The following IQSEC1 variants were observed in gnomAD, a reference collection of about 807,000 sequenced individuals.
IQSEC1 encodes IQ motif and SEC7 domain-containing protein 1.
IQSEC1 carries 31 observed loss-of-function variants against 91.0 expected under a neutral mutation model. The observed-to-expected ratio is 0.34, with a 90% CI of 0.26 to 0.46. IQSEC1 has a LOEUF of 0.46. Ranked by LOEUF, IQSEC1 falls within the 20% of genes least tolerant of loss-of-function variation. The pLI, the probability that IQSEC1 is intolerant of heterozygous loss-of-function variation, is 1.00. For synonymous variants in IQSEC1, 699 were observed against 662.6 expected (o/e 1.05, Z -0.84); for missense variants, 1,388 against 1,575.6 (o/e 0.88, Z 2.02).
At chr3:13,240,089 C>T (rs1032804940) in intron 1 of IQSEC1, among the ~76,000 whole-genome samples, 1 of 152,024 alleles carries the variant, frequency 6.6e-6, no homozygotes, top group East Asian at 1.9e-4. Flanking sequence ...AAAAAACAAA[C>T]CTTGGCCGGC....
chr3:13,117,892 A>G (rs1336684876), intron 2 of IQSEC1, among the ~76,000 whole-genome samples: 1 of 152,134 alleles, frequency 6.6e-6, no homozygotes, highest in Non-Finnish European at 1.5e-5. Flanking sequence ...CTCAAAAACT[A>G]ACAAACAACA....
At chr3:13,126,802 AT>A (rs1199042185) in intron 2 of IQSEC1, among the ~76,000 whole-genome samples, 3 of 152,172 alleles carry the variant, frequency 2.0e-5, no homozygotes, top group Admixed American at 2.0e-4. Flanking sequence ...CCTTAACAGT[AT>A]TTTGCAGGGC....
At chr3:13,078,507 G>C (rs1705598323) in intron 2 of IQSEC1, among the ~76,000 whole-genome samples, 1 of 152,012 alleles carries the variant, frequency 6.6e-6, no homozygotes, top group Non-Finnish European at 1.5e-5. Flanking sequence ...TAGCCTGGGG[G>C]GGAAGGCCAG....
chr3:13,059,280 T>TAA (rs2125083680), intron 1 of IQSEC1, among the ~76,000 whole-genome samples: 1 of 151,988 alleles, frequency 6.6e-6, no homozygotes, highest in East Asian at 1.9e-4. Context: ...CCCTAGGCAC[T>TAA]ATGGTCTACT....
chr3:13,188,278 C>T (rs978526299), intron 1 of IQSEC1, among the ~76,000 whole-genome samples: 2 of 152,156 alleles, frequency 1.3e-5, no homozygotes, highest in African/African-American at 2.4e-5. Flanking sequence ...TGCTCATGCC[C>T]ACCTCAAGGT....
chr3:13,272,570 C>G (rs1176900220), intron 1 of IQSEC1, among the ~76,000 whole-genome samples: 1 of 152,142 alleles, frequency 6.6e-6, no homozygotes, highest in East Asian at 1.9e-4. Flanking sequence ...GCAGGCCAAC[C>G]TAGGGGTGAG....
chr3:12,930,290 A>G (rs1169351945), intron 3 of IQSEC1, among the ~76,000 whole-genome samples: 1 of 152,236 alleles, frequency 6.6e-6, no homozygotes, highest in African/African-American at 2.4e-5. Flanking sequence ...CTGGGACCAC[A>G]GGCATGTGCC....
chr3:13,221,331 G>A (rs1459563458), intron 1 of IQSEC1, among the ~76,000 whole-genome samples: 1 of 152,242 alleles, frequency 6.6e-6, no homozygotes, highest in Non-Finnish European at 1.5e-5. Context: ...GTCTCAGCCA[G>A]AAGGGTGACA....
At chr3:12,942,470 G>A (rs1462657940) in intron 1 of IQSEC1, among the ~76,000 whole-genome samples, 1 of 152,108 alleles carries the variant, frequency 6.6e-6, no homozygotes, top group Non-Finnish European at 1.5e-5. Flanking sequence ...GGGCGTGGTG[G>A]TGGTCGCCTG....
chr3:12,969,258 A>G lies in IQSEC1; in HGVS notation c.24-27393T>C, dbSNP rs866381666. On this transcript the variant is annotated intron_variant, in intron 1 of 13. Coordinates refer to ENST00000613206, the MANE Select transcript of IQSEC1 (RefSeq NM_001134382.3). Reference sequence around the variant, plus strand: ...ATAAGGCAAATAACCCAATTTAAAAACAGGCAAGGTATCTGAGTAGATTTT... The same window carrying G: ...ATAAGGCAAATAACCCAATTTAAAAGCAGGCAAGGTATCTGAGTAGATTTT... Among the ~76,000 whole-genome samples, 15 of 151,340 alleles carry G rather than the reference A, an allele frequency of 9.9e-5. 1 individual carries two copies. Among genetic ancestry groups the G allele is most frequent in the Middle Eastern group, 6.8e-3 (2 of 292 alleles).
At chr3:13,227,722 C>T (rs951117404) in intron 1 of IQSEC1, among the ~76,000 whole-genome samples, 5 of 152,134 alleles carry the variant, frequency 3.3e-5, no homozygotes, top group Non-Finnish European at 7.4e-5. Flanking sequence ...GGGCAGATTC[C>T]GAAGGGGTCC....
chr3:12,901,670 TG>T, intron 13 of IQSEC1, 148 bp from the exon 14 acceptor site: 1 of 714,826 alleles, frequency 1.4e-6, no homozygotes, highest in Non-Finnish European at 2.3e-6. Context: ...TCAGTGAGGC[TG>T]GACTGGGCCC....
At chr3:12,988,541 C>T (rs1313749090) in intron 1 of IQSEC1, among the ~76,000 whole-genome samples, 1 of 152,220 alleles carries the variant, frequency 6.6e-6, no homozygotes, top group East Asian at 1.9e-4. Context: ...CAAATATCCA[C>T]AGCCTGTTTA....
At position 12,899,966 on chromosome 3, in the gene IQSEC1, A is replaced by G. The variant is rs1324834747; in HGVS notation, c.*1017T>C. The G allele has an allele frequency of 1.0e-6, 1 of 985,238 alleles. No homozygotes were observed. The highest frequency in any genetic ancestry group is 1.7e-5 in the African/African-American group (1 of 57,200). The allele number at this position is 985,238 out of a possible 1,614,324, so 61.0% of individuals were successfully genotyped here. ...GTGCGTCAAATCATATGCGCATAAA[A>G]GAAACATGGATCATGGAGAGTCACA... On this transcript the variant is annotated 3_prime_UTR_variant, in exon 14 of 14. Coordinates refer to ENST00000613206, the MANE Select transcript of IQSEC1 (RefSeq NM_001134382.3).
chr3:13,033,579 C>G (rs931746651), intron 1 of IQSEC1, among the ~76,000 whole-genome samples: 1 of 152,048 alleles, frequency 6.6e-6, no homozygotes, highest in Non-Finnish European at 1.5e-5. Context: ...ATTACAAAGA[C>G]TGACACGTCT....
chr3:12,937,340 A>G (rs1698294281), intron 2 of IQSEC1, among the ~76,000 whole-genome samples: 1 of 152,058 alleles, frequency 6.6e-6, no homozygotes. Flanking sequence ...ATCTAACGAA[A>G]CCCATTTGGA....
chr3:12,964,103 G>A (rs1700409261), intron 1 of IQSEC1, among the ~76,000 whole-genome samples: 1 of 152,170 alleles, frequency 6.6e-6, no homozygotes, highest in African/African-American at 2.4e-5. Context: ...GCAGGTCCAG[G>A]TGGCATCATG....
chr3:13,015,680 C>T, intron 1 of IQSEC1: 3 of 985,326 alleles, frequency 3.0e-6, no homozygotes, highest in Non-Finnish European at 3.6e-6. Context: ...ACAGCAGGTC[C>T]TGACGTCTGA....
At position 13,223,694 on chromosome 3, in the gene IQSEC1, C is replaced by T. The variant is rs564289192; in HGVS notation, c.272+59017G>A. On this transcript the variant is annotated intron_variant, in intron 1 of 15. Coordinates refer to the IQSEC1 transcript ENST00000648114. ...AGACACACTGGGGACATGCAGGGAC[C>T]GCGGCGTCTGCAGAGGAAGTCAAAG... 5.3e-5 allele frequency among the ~76,000 whole-genome samples: 8 copies of T among 152,294 alleles called. No homozygotes were observed. In the South Asian group the frequency reaches 1.2e-3, roughly 24 times the overall value.
Sources: allele counts gnomAD v4.1 joint callset (sites outside exome capture counted in the v4.1 genomes callset), GRCh38; gene constraint gnomAD v4.1.1; transcripts MANE v1.5; gene names NCBI Gene and HGNC (gene_info 2026-07-23, HGNC 2026-07-21).